The following COL11A1 variants were observed in gnomAD, a reference collection of about 807,000 sequenced individuals.
COL11A1 encodes collagen alpha-1(XI) chain.
COL11A1 carries 74 observed loss-of-function variants against 265.2 expected under a neutral mutation model. That is an observed-to-expected ratio of 0.28 (90% CI 0.23 to 0.34). COL11A1 has a LOEUF of 0.34. COL11A1 is among the 10% of genes least tolerant of loss of function. The pLI, the probability that COL11A1 is intolerant of heterozygous loss-of-function variation, is 1.00. For synonymous variants in COL11A1, 816 were observed against 727.6 expected (o/e 1.12, Z -1.96); for missense variants, 2,165 against 2,263.6 (o/e 0.96, Z 0.88).
At chr1:102,979,182 G>T in intron 32 of COL11A1, 78 bp from the exon 33 acceptor site, 2 of 1,358,534 alleles carry the variant, frequency 1.5e-6, no homozygotes, top group African/African-American at 1.4e-5. Flanking sequence ...GAGTAGTCAT[G>T]CAAGAACATC....
intron 4 of COL11A1, among the ~76,000 whole-genome samples, chr1:103,042,978 AAT>A (rs900056422): frequency 1.4e-5 from 2 of 146,930 alleles, no homozygotes; most frequent in African/African-American, 4.9e-5. Flanking sequence ...ATATATGTGA[AAT>A]ATATATGATA....
At chr1:103,047,197 C>A (rs1669356054) in intron 4 of COL11A1, among the ~76,000 whole-genome samples, 1 of 152,144 alleles carries the variant, frequency 6.6e-6, no homozygotes, top group Non-Finnish European at 1.5e-5. Context: ...TTACCTTGGG[C>A]AGTATGGCCA....
chr1:103,048,936 T>A, intron 4 of COL11A1, among the ~76,000 whole-genome samples: 1 of 152,226 alleles, frequency 6.6e-6, no homozygotes, highest in Non-Finnish European at 1.5e-5. Context: ...TCCTGGGTTC[T>A]AGTTTGATTG....
At position 102,905,945 on chromosome 1, in the gene COL11A1, T is replaced by C. The variant is rs1473258733; in HGVS notation, c.4086+6214A>G. Among the ~76,000 whole-genome samples, 12 of 152,282 alleles carry C rather than the reference T, an allele frequency of 7.9e-5. No homozygotes were observed. The East Asian group carries it at 2.1e-3, about 27-fold the overall frequency. On this transcript the variant is annotated intron_variant, in intron 54 of 66. Coordinates refer to ENST00000370096, the MANE Select transcript of COL11A1 (RefSeq NM_001854.4). The stretch of plus-strand genomic sequence containing the variant: ...AACAAAACTAACTTTACCATGAATT[T>C]ATTGCTAACGAGCTATCATTTCATG...
chr1:103,080,934 C>T (rs1672365588), intron 2 of COL11A1, among the ~76,000 whole-genome samples: 1 of 151,796 alleles, frequency 6.6e-6, no homozygotes, highest in African/African-American at 2.4e-5. Flanking sequence ...GGGATATCTG[C>T]AGTCCAATAT....
chr1:103,082,255 A>C (rs561158147), intron 2 of COL11A1, among the ~76,000 whole-genome samples: 187 of 152,194 alleles, frequency 1.2e-3, no homozygotes, highest in South Asian at 1.9e-3. Flanking sequence ...AACTTTTCTT[A>C]TATTTTAGAT....
rs1000836323 is a variant in COL11A1, at chr1:102,952,333, G to C, written c.3169-5377C>G. ...AGGATGGTCTCGATCTCTTGACCTC[G>C]TGATCCACCTGTCTTGGCCTCCCAA... On this transcript the variant is annotated intron_variant, in intron 41 of 66. Transcript: ENST00000370096. Among the ~76,000 whole-genome samples the C allele has an allele frequency of 7.9e-5, 12 of 152,182 alleles. No individual in the cohort carries two copies. The East Asian group carries it at 1.5e-3, about 20-fold the overall frequency.
chr1:103,002,748 A>G lies in COL11A1; in HGVS notation c.2042T>C (p.Met681Thr), dbSNP rs751867060. ...ATTTTATCACTATTTGCTACATACC[A>G]TGTTCCCTTTTGGTCCTGGGGGGCC... ...VDGPPGPKGN[M>T]GPQGEPGPPG... The change falls in exon 22 of 67, where the codon ATG becomes ACG. Residue 681 changes from methionine (M) to threonine (T), a missense_variant and splice_region_variant. Met to Thr is a moderately conservative substitution (Grantham distance 81). Transcript: ENST00000370096. The G allele has an allele frequency of 6.2e-7, 1 of 1,611,200 alleles. No individual in the cohort carries two copies. The highest frequency in any genetic ancestry group is 1.7e-5 in the Admixed American group (1 of 59,898).
At position 103,065,816 on chromosome 1, in the gene COL11A1, G is replaced by A. The variant is rs570217162; in HGVS notation, c.651+8802C>T. 2.7e-4 allele frequency among the ~76,000 whole-genome samples: 41 copies of A among 151,706 alleles called. No homozygotes were observed. In the East Asian group the frequency reaches 2.9e-3, roughly 11 times the overall value. On this transcript the variant is annotated intron_variant, in intron 4 of 66. Transcript: ENST00000370096. ...CAGATGTAAGATGCTTAATAAACCC[G>A]AAACAGAATAAATTAAAACAAAATT... is the stretch of plus-strand genomic sequence containing the variant.
At chr1:102,978,191 C>T (rs1028331866) in intron 35 of COL11A1, among the ~76,000 whole-genome samples, 14 of 152,108 alleles carry the variant, frequency 9.2e-5, no homozygotes, top group African/African-American at 3.4e-4. Flanking sequence ...CATGCTTGTT[C>T]ATATGTATTT....
chr1:103,040,128 T>G lies in COL11A1; in HGVS notation c.652-8884A>C, dbSNP rs369661032. Among the ~76,000 whole-genome samples, 3 of 152,166 alleles carry G rather than the reference T, an allele frequency of 2.0e-5. No individual in the cohort carries two copies. In the East Asian group the frequency reaches 5.8e-4, roughly 29 times the overall value. ...ACATTTTATTGTGCTAGTAAAAGAT[T>G]AAAATAATTTTGTTTGTATCATTAA... On this transcript the variant is annotated intron_variant, in intron 4 of 66. Coordinates refer to ENST00000370096, the MANE Select transcript of COL11A1 (RefSeq NM_001854.4).
At chr1:103,048,646 G>A (rs531294380) in intron 4 of COL11A1, among the ~76,000 whole-genome samples, 1 of 152,058 alleles carries the variant, frequency 6.6e-6, no homozygotes, top group African/African-American at 2.4e-5. Flanking sequence ...GCTAGCTTTT[G>A]AATGTGTTTG....
At chr1:102,963,476 G>A (rs1661111563) in intron 38 of COL11A1, among the ~76,000 whole-genome samples, 1 of 152,082 alleles carries the variant, frequency 6.6e-6, no homozygotes, top group Non-Finnish European at 1.5e-5. Context: ...AGGCTTTCAT[G>A]TATAAATAGA....
At chr1:102,992,551 G>A (rs562081314) in intron 28 of COL11A1, among the ~76,000 whole-genome samples, 11 of 151,672 alleles carry the variant, frequency 7.3e-5, no homozygotes, top group Admixed American at 2.6e-4. Flanking sequence ...AAATAAATAA[G>A]GCATATTAAA....
chr1:103,010,322 C>A (rs1442782339), intron 14 of COL11A1, among the ~76,000 whole-genome samples: 2 of 152,026 alleles, frequency 1.3e-5, no homozygotes, highest in Non-Finnish European at 2.9e-5. Context: ...TGTTTTGATG[C>A]AAACATCAAA....
rs557704467 is a variant in COL11A1 at position 102,952,972 on chromosome 1, T to G, written c.3169-6016A>C. On this transcript the variant is annotated intron_variant, in intron 41 of 66. Transcript: ENST00000370096. ...CTAAAAACTCCATGTTCAACACTAA[T>G]GAGAATCTATTCTCTTGGGACACTT... Among the ~76,000 whole-genome samples, 11 of 152,328 alleles carry G rather than the reference T, an allele frequency of 7.2e-5. No homozygotes were observed. In the South Asian group the frequency reaches 2.3e-3, roughly 32 times the overall value.
chr1:102,946,694 T>G (rs1659319104), intron 42 of COL11A1, among the ~76,000 whole-genome samples, 155 bp downstream of exon 42: 1 of 152,144 alleles, frequency 6.6e-6, no homozygotes, highest in African/African-American at 2.4e-5. Flanking sequence ...AATTTGAAAT[T>G]TTCTCTATTA....
intron 1 of COL11A1, among the ~76,000 whole-genome samples, chr1:103,098,642 T>A (rs1030952315): frequency 1.3e-5 from 2 of 151,868 alleles, no homozygotes; most frequent in African/African-American, 4.8e-5. Flanking sequence ...ATGTTTTGCA[T>A]CAGTGAAAAA....
chr1:103,036,594 T>C (rs975863190), intron 4 of COL11A1, among the ~76,000 whole-genome samples: 23 of 151,812 alleles, frequency 1.5e-4, no homozygotes, highest in Non-Finnish European at 2.8e-4. Flanking sequence ...AAAAATTCAA[T>C]AAAAAACTTA....
Sources: gnomAD v4.1 joint callset for allele counts (sites outside exome capture counted in the v4.1 genomes callset) on GRCh38, gnomAD v4.1.1 for gene constraint, MANE v1.5 for transcripts, NCBI Gene and HGNC (gene_info 2026-07-23, HGNC 2026-07-21) for gene names.